SYNDIG1: variants seen among roughly 807,000 people sequenced by gnomAD.
SYNDIG1 encodes the protein synapse differentiation-inducing gene protein 1.
In SYNDIG1, 9 loss-of-function variants were observed where a neutral mutation model predicts 19.4. That is an observed-to-expected ratio of 0.46 (90% CI 0.28 to 0.81). The LOEUF (loss-of-function observed/expected upper bound fraction) is 0.81, where lower values mean the gene tolerates loss of function less well. Among genes scored for constraint, SYNDIG1 ranks in the 30% least tolerant of loss-of-function variants. SYNDIG1 has a pLI of 0.12. For synonymous variants in SYNDIG1, 141 were observed against 145.9 expected (o/e 0.97, Z 0.24); for missense variants, 311 against 343.3 (o/e 0.91, Z 0.74).
At chr20:24,626,091 GC>G (rs2059125390) in intron 3 of SYNDIG1, among the ~76,000 whole-genome samples, 1 of 149,486 alleles carries the variant, frequency 6.7e-6, no homozygotes, top group South Asian at 2.1e-4. Context: ...GGGCAGAGGG[GC>G]TCCTCACTTC....
chr20:24,632,711 A>C (rs2059262435), intron 3 of SYNDIG1, among the ~76,000 whole-genome samples: 2 of 152,178 alleles, frequency 1.3e-5, no homozygotes, highest in African/African-American at 4.8e-5. Context: ...GTGAGCGGGG[A>C]AACAGCAGGA....
At chr20:24,573,419 C>T (rs1600659032) in intron 2 of SYNDIG1, among the ~76,000 whole-genome samples, 1 of 152,178 alleles carries the variant, frequency 6.6e-6, no homozygotes. Flanking sequence ...TTCCCTGCAC[C>T]CAAGTCCTTT....
chr20:24,625,401 T>TG (rs1180122261), intron 3 of SYNDIG1, among the ~76,000 whole-genome samples: 1 of 149,922 alleles, frequency 6.7e-6, no homozygotes, highest in African/African-American at 2.5e-5. Context: ...TTTTTTTTTT[T>TG]TTTTGATCAT....
chr20:24,486,668 T>A (rs540396704), intron 1 of SYNDIG1, among the ~76,000 whole-genome samples: 1 of 151,872 alleles, frequency 6.6e-6, no homozygotes, highest in African/African-American at 2.4e-5. Flanking sequence ...AATTTTTTTT[T>A]TGTTTTTTTG....
chr20:24,485,134 A>G (rs1428463088), intron 1 of SYNDIG1, among the ~76,000 whole-genome samples: 1 of 152,164 alleles, frequency 6.6e-6, no homozygotes, highest in Non-Finnish European at 1.5e-5. Flanking sequence ...ATGGCCTTGA[A>G]CTTCCCAGCT....
chr20:24,507,607 T>G (rs896033883), intron 1 of SYNDIG1, among the ~76,000 whole-genome samples: 3 of 152,202 alleles, frequency 2.0e-5, no homozygotes, highest in Non-Finnish European at 4.4e-5. Context: ...TGCCTGCACC[T>G]GCTTAGTAGG....
intron 1 of SYNDIG1, among the ~76,000 whole-genome samples, chr20:24,519,059 A>G (rs990818720): frequency 3.9e-5 from 6 of 152,234 alleles, no homozygotes; most frequent in Admixed American, 3.9e-4. Context: ...AGATATTAAC[A>G]TGGAAATGCT....
At chr20:24,568,954 C>T (rs1290319292) in intron 2 of SYNDIG1, among the ~76,000 whole-genome samples, 1 of 152,192 alleles carries the variant, frequency 6.6e-6, no homozygotes, top group Non-Finnish European at 1.5e-5. Context: ...GTTCTGAAGG[C>T]CTGAGGGACT....
intron 2 of SYNDIG1, among the ~76,000 whole-genome samples, chr20:24,557,965 C>G (rs537772997): frequency 6.6e-6 from 1 of 152,154 alleles, no homozygotes; most frequent in Non-Finnish European, 1.5e-5. Context: ...GTGCTGCAGC[C>G]GAGGAGATGG....
intron 3 of SYNDIG1, among the ~76,000 whole-genome samples, chr20:24,612,995 A>G (rs540700610): frequency 6.6e-6 from 1 of 152,292 alleles, no homozygotes; most frequent in African/African-American, 2.4e-5. Flanking sequence ...GATGGGAAGG[A>G]ATGCTTTATG....
chr20:24,633,095 G>A (rs377486223), intron 3 of SYNDIG1, among the ~76,000 whole-genome samples: 1 of 152,146 alleles, frequency 6.6e-6, no homozygotes, highest in Non-Finnish European at 1.5e-5. Context: ...TGGGCAGACC[G>A]TGTCGAATCT....
intron 3 of SYNDIG1, among the ~76,000 whole-genome samples, chr20:24,661,605 A>AGGGAGGAAAG (rs2059604299): frequency 1.2e-5 from 1 of 82,212 alleles, no homozygotes; most frequent in Admixed American, 1.2e-4. Flanking sequence ...AAAAGTAAGG[A>AGGGAGGAAAG]AGGGAGGAGG....
chr20:24,527,868 A>T (rs1015567444), intron 1 of SYNDIG1, among the ~76,000 whole-genome samples: 1 of 152,202 alleles, frequency 6.6e-6, no homozygotes, highest in African/African-American at 2.4e-5. Context: ...GGGGCTTAAC[A>T]TGCCCTTCAG....
intron 1 of SYNDIG1, among the ~76,000 whole-genome samples, chr20:24,496,755 C>G (rs1415975694): frequency 6.6e-6 from 1 of 152,194 alleles, no homozygotes; most frequent in Non-Finnish European, 1.5e-5. Context: ...TATCCTGACA[C>G]TAAAGCACTA....
At chr20:24,472,365 A>G (rs1415358234) in intron 1 of SYNDIG1, among the ~76,000 whole-genome samples, 7 of 152,182 alleles carry the variant, frequency 4.6e-5, no homozygotes, top group Admixed American at 2.6e-4. Flanking sequence ...AAACTTTAAA[A>G]CTCAGTTCAA....
chr20:24,527,346 A>G (rs1296412190), intron 1 of SYNDIG1, among the ~76,000 whole-genome samples: 1 of 151,954 alleles, frequency 6.6e-6, no homozygotes, highest in Non-Finnish European at 1.5e-5. Context: ...TTTGAAATTC[A>G]CACGTTTCAT....
At chr20:24,640,176 A>G (rs756192737) in intron 3 of SYNDIG1, among the ~76,000 whole-genome samples, 2 of 152,066 alleles carry the variant, frequency 1.3e-5, no homozygotes, top group Non-Finnish European at 2.9e-5. Flanking sequence ...TCTACAAAAA[A>G]CACAAAAAAT....
chr20:24,500,631 G>A (rs933746821), intron 1 of SYNDIG1, among the ~76,000 whole-genome samples: 1 of 149,694 alleles, frequency 6.7e-6, no homozygotes, highest in Non-Finnish European at 1.5e-5. Flanking sequence ...GTTACAGATC[G>A]TAAAACCCAA....
At chr20:24,631,411 A>C (rs2059241332) in intron 3 of SYNDIG1, among the ~76,000 whole-genome samples, 1 of 152,158 alleles carries the variant, frequency 6.6e-6, no homozygotes, top group African/African-American at 2.4e-5. Context: ...CCACATCCCC[A>C]CCTGCGGGCG....
Sources: gnomAD v4.1 joint callset for allele counts (sites outside exome capture counted in the v4.1 genomes callset) on GRCh38, gnomAD v4.1.1 for gene constraint, MANE v1.5 for transcripts, NCBI Gene and HGNC (gene_info 2026-07-23, HGNC 2026-07-21) for gene names.